The following ZC3H13 variants were observed in gnomAD, a reference collection of about 807,000 sequenced individuals.
The protein encoded by ZC3H13 is zinc finger CCCH domain-containing protein 13.
Under a neutral mutation model 204.1 loss-of-function variants are expected in ZC3H13, and 64 were observed. The ratio of observed to expected loss-of-function variants is 0.31; its 90% confidence interval spans 0.26 to 0.39. ZC3H13 has a LOEUF of 0.39. Among genes scored for constraint, ZC3H13 ranks in the 10% least tolerant of loss-of-function variants. ZC3H13 has a pLI of 1.00. For missense variants in ZC3H13, 1,833 were observed against 2,082.7 expected (o/e 0.88, Z 2.33); for synonymous variants, 667 against 693.7 (o/e 0.96, Z 0.60).
chr13:45,986,913 C>T (rs1461282596), intron 9 of ZC3H13, among the ~76,000 whole-genome samples: 3 of 152,130 alleles, frequency 2.0e-5, no homozygotes, highest in African/African-American at 7.2e-5. Context: ...AACCTATCTC[C>T]CCCACCAATT....
chr13:46,012,453 T>G (rs1389455120), intron 5 of ZC3H13, among the ~76,000 whole-genome samples: 1 of 152,036 alleles, frequency 6.6e-6, no homozygotes, highest in Admixed American at 6.6e-5. Context: ...GGAAAAGAAA[T>G]AAAATGAAGA....
At chr13:46,011,614 TACAG>T (rs1593666881) in intron 5 of ZC3H13, 60 bp from the exon 6 acceptor site, 1 of 1,366,606 alleles carries the variant, frequency 7.3e-7, no homozygotes, top group East Asian at 2.4e-5. Context: ...CCAAAAATCA[TACAG>T]ACTTTTTTCA....
intron 8 of ZC3H13, among the ~76,000 whole-genome samples, chr13:45,996,804 TAAG>T (rs2040370211): frequency 6.7e-6 from 1 of 149,482 alleles, no homozygotes; most frequent in Non-Finnish European, 1.5e-5. Flanking sequence ...TGAAAGTTCT[TAAG>T]AAGAAAAACT....
chr13:45,967,892 G>T lies in ZC3H13; in HGVS notation c.3933C>A (p.Arg1311=). The T allele has an allele frequency of 1.9e-6, 3 of 1,613,332 alleles. No individual in the cohort carries two copies. The highest frequency in any genetic ancestry group is 2.5e-6 in the Non-Finnish European group (3 of 1,179,832). Residue 1311 remains arginine, a synonymous_variant, in exon 15 of 19, where the codon CGC becomes CGA. Transcript: ENST00000679008. ...ERDRYEHDRE[R]ERERRDTRQR... ...GCCTCGTATCTCTCCTCTCTCTCTC[G>T]CGCTCTCTGTCGTGTTCATATCGAT...
chr13:45,986,561 T>TA (rs1954214521), intron 9 of ZC3H13, among the ~76,000 whole-genome samples: 1 of 152,312 alleles, frequency 6.6e-6, no homozygotes, highest in Middle Eastern at 3.4e-3. Context: ...GCCCAAAACT[T>TA]AGATGGCTTA....
chr13:46,012,889 A>G (rs1002041648), intron 5 of ZC3H13, among the ~76,000 whole-genome samples: 1 of 152,216 alleles, frequency 6.6e-6, no homozygotes, highest in African/African-American at 2.4e-5. Context: ...CCTAAATTCA[A>G]TAAAATTCCA....
chr13:46,024,229 C>CAA (rs56693021), intron 4 of ZC3H13, among the ~76,000 whole-genome samples: 113,813 of 151,866 alleles, frequency 0.75, 43,133 homozygotes, highest in African/African-American at 0.85. Context: ...TTGATAACTT[C>CAA]AGGCTATAAC....
chr13:45,984,419 TA>T (rs1289686676), intron 10 of ZC3H13, among the ~76,000 whole-genome samples: 1 of 151,796 alleles, frequency 6.6e-6, no homozygotes, highest in African/African-American at 2.4e-5. Context: ...AAAATGGCAA[TA>T]AAAAATAGAG....
At chr13:45,977,873 T>C (rs1403451724) in intron 11 of ZC3H13, among the ~76,000 whole-genome samples, 1 of 152,126 alleles carries the variant, frequency 6.6e-6, no homozygotes, top group Non-Finnish European at 1.5e-5. Context: ...AATCAAATTT[T>C]TTAGCCTGAC....
intron 4 of ZC3H13, among the ~76,000 whole-genome samples, chr13:46,032,428 G>A (rs2042962699): frequency 6.9e-6 from 1 of 144,338 alleles, no homozygotes; most frequent in East Asian, 2.0e-4. Flanking sequence ...AATACATGAA[G>A]ATGCCCAACC....
chr13:46,002,737 A>C (rs908936305), intron 8 of ZC3H13, among the ~76,000 whole-genome samples: 5 of 152,182 alleles, frequency 3.3e-5, no homozygotes, highest in African/African-American at 1.2e-4. Flanking sequence ...CAGAAACAAA[A>C]CAGGATGATA....
chr13:45,967,370 ACTTC>A (rs1413823696), intron 15 of ZC3H13, 130 bp downstream of exon 15: 6 of 1,001,738 alleles, frequency 6.0e-6, no homozygotes, highest in Non-Finnish European at 8.4e-6. Context: ...TCTGAAATCT[ACTTC>A]CTCTATAGAA....
In ZC3H13 at chr13:45,956,414, A is replaced by T. The variant is rs546199034; in HGVS notation, c.*713T>A. ...CTAATGTTCTAGATCATCAGGAATAAGATTAACGAAGAGCAAAGTAAATCT... is the reference window on the plus strand; with the variant it reads ...CTAATGTTCTAGATCATCAGGAATATGATTAACGAAGAGCAAAGTAAATCT... On this transcript the variant is annotated 3_prime_UTR_variant, in exon 19 of 19. Coordinates refer to ENST00000679008, the MANE Select transcript of ZC3H13 (RefSeq NM_001330564.2). 1 of 152,206 alleles carries T rather than the reference A, an allele frequency of 6.6e-6. No homozygotes were observed. Among genetic ancestry groups the T allele is most frequent in the Non-Finnish European group, 1.5e-5 (1 of 68,022 alleles). 9.4% of individuals were successfully genotyped at this position (152,206 alleles called of 1,614,324 possible). A position where few individuals can be genotyped will look rare whatever the true frequency, so the allele number is the denominator to read the frequency against.
chr13:46,021,275 C>T (rs1337826947), intron 4 of ZC3H13, among the ~76,000 whole-genome samples: 1 of 151,782 alleles, frequency 6.6e-6, no homozygotes, highest in Non-Finnish European at 1.5e-5. Context: ...AGCTTACACA[C>T]AAAAAAGGAC....
At chr13:45,990,887 T>C (rs946162821) in intron 8 of ZC3H13, among the ~76,000 whole-genome samples, 1 of 152,204 alleles carries the variant, frequency 6.6e-6, no homozygotes, top group Admixed American at 6.5e-5. Context: ...CACTGCACTC[T>C]TGGCTTTCTG....
intron 5 of ZC3H13, among the ~76,000 whole-genome samples, chr13:46,013,296 C>T (rs575309254): frequency 4.8e-4 from 73 of 152,206 alleles, no homozygotes; most frequent in Middle Eastern, 3.4e-3. Context: ...TGCCTAGAGT[C>T]CCAGCTACTC....
intron 11 of ZC3H13, among the ~76,000 whole-genome samples, chr13:45,976,661 C>T (rs1230428652): frequency 6.6e-6 from 1 of 152,086 alleles, no homozygotes; most frequent in African/African-American, 2.4e-5. Flanking sequence ...TGCCCAAATA[C>T]CCAGTTGAGC....
At chr13:45,985,225 CAT>C in intron 10 of ZC3H13, 70 bp downstream of exon 10, 1 of 1,359,146 alleles carries the variant, frequency 7.4e-7, no homozygotes, top group South Asian at 1.5e-5. Context: ...TAAGAAACAA[CAT>C]ATTAGAAATC....
intron 5 of ZC3H13, among the ~76,000 whole-genome samples, chr13:46,012,566 A>G (rs934820268): frequency 1.8e-4 from 28 of 152,314 alleles, no homozygotes; most frequent in African/African-American, 6.0e-4. Flanking sequence ...AATGACAACT[A>G]TCCATTCATG....
Sources: allele counts gnomAD v4.1 joint callset (sites outside exome capture counted in the v4.1 genomes callset), GRCh38; gene constraint gnomAD v4.1.1; transcripts MANE v1.5; gene names NCBI Gene and HGNC (gene_info 2026-07-23, HGNC 2026-07-21).